Variants in ZNF385D observed in about 807,000 individuals in gnomAD.
ZNF385D encodes zinc finger protein 659.
In ZNF385D, 15 loss-of-function variants were observed where a neutral mutation model predicts 35.8. That is an observed-to-expected ratio of 0.42 (90% CI 0.28 to 0.64). The LOEUF is 0.64. Among genes scored for constraint, ZNF385D ranks in the 30% least tolerant of loss-of-function variants. The pLI, the probability that ZNF385D is intolerant of heterozygous loss-of-function variation, is 0.23. For missense variants in ZNF385D, 474 were observed against 494.6 expected, an observed-to-expected ratio of 0.96 and a Z score of 0.39; for synonymous variants, 212 against 186.8, an observed-to-expected ratio of 1.13 and a Z score of -1.10.
intron 4 of ZNF385D, among the ~76,000 whole-genome samples, chr3:21,455,428 A>G (rs991563090): frequency 6.6e-6 from 1 of 152,130 alleles, no homozygotes; most frequent in Admixed American, 6.6e-5. Context: ...CAGAAATAAT[A>G]CCACACATCT....
intron 3 of ZNF385D, among the ~76,000 whole-genome samples, chr3:22,042,826 C>G (rs1022858360): frequency 6.6e-6 from 1 of 152,150 alleles, no homozygotes; most frequent in Non-Finnish European, 1.5e-5. Flanking sequence ...TGCCTGATCT[C>G]GACGTGTTTG....
rs1697225618 is a variant in ZNF385D, at chr3:22,021,554, C to A, written c.325+147263G>T. On this transcript the variant is annotated intron_variant, in intron 3 of 5. Transcript: ENST00000494108. ...AGTAAGTTGCTTTAATTCGCTCAGC[C>A]TCAGTTTTCTTATATACTTTTGTGA... Among the ~76,000 whole-genome samples, 5 of 152,182 alleles carry A rather than the reference C, an allele frequency of 3.3e-5. No homozygotes were observed. In the South Asian group the frequency reaches 8.3e-4, roughly 25 times the overall value.
chr3:21,681,316 A>AAAAACAAAAAAAAAAAAAAAC (rs1553636419), intron 1 of ZNF385D, among the ~76,000 whole-genome samples: 1 of 141,676 alleles, frequency 7.1e-6, no homozygotes. Context: ...AAAAAAAAAA[A>AAAAACAAAAAAAAAAAAAAAC]AAAAAAAACC....
chr3:21,623,156 A>G (rs1340813265), intron 2 of ZNF385D, among the ~76,000 whole-genome samples: 1 of 152,060 alleles, frequency 6.6e-6, no homozygotes, highest in South Asian at 2.1e-4. Context: ...TAAAGAATAC[A>G]AAGCACCTGC....
At chr3:22,082,949 C>A (rs1045890257) in intron 3 of ZNF385D, among the ~76,000 whole-genome samples, 5 of 152,150 alleles carry the variant, frequency 3.3e-5, no homozygotes, top group African/African-American at 1.2e-4. Flanking sequence ...CTGGGGTGGA[C>A]CTCCAGCAAA....
chr3:22,003,903 A>C (rs1439742705), intron 3 of ZNF385D, among the ~76,000 whole-genome samples: 2 of 151,884 alleles, frequency 1.3e-5, no homozygotes, highest in African/African-American at 4.8e-5. Flanking sequence ...AAAATCCTAA[A>C]ATTCAAATAG....
chr3:22,135,061 A>G (rs992639522), intron 3 of ZNF385D, among the ~76,000 whole-genome samples: 2 of 152,212 alleles, frequency 1.3e-5, no homozygotes, highest in Admixed American at 6.5e-5. Flanking sequence ...TTAACCAGAA[A>G]GAAAACAGGA....
rs1014157119 is a variant in ZNF385D, at chr3:21,949,558, T to C, written c.325+219259A>G. On this transcript the variant is annotated intron_variant, in intron 3 of 5. Coordinates refer to the ZNF385D transcript ENST00000494108. ...CTTTCCTTCTTTTCTTTCTTTCTTT[T>C]TTTTTTTTTTTTAATACTTTTAAGT... 5.8e-5 allele frequency among the ~76,000 whole-genome samples: 6 copies of C among 103,746 alleles called. No homozygotes were observed. The East Asian group carries it at 1.4e-3, about 24-fold the overall frequency. 68.1% of individuals were successfully genotyped at this position (103,746 alleles called of 152,430 possible).
chr3:22,159,533 C>T lies in ZNF385D; in HGVS notation c.325+9284G>A, dbSNP rs545041278. ...AGGGACAGAGATTGCACAAAGAAAT[C>T]TCTGTGTTGCAAAAGACAGTGCCCT... On this transcript the variant is annotated intron_variant, in intron 3 of 5. Transcript: ENST00000494108. Among the ~76,000 whole-genome samples the T allele has an allele frequency of 1.3e-4, 20 of 152,124 alleles. No homozygotes were observed. In the South Asian group the frequency reaches 4.1e-3, roughly 31 times the overall value.
chr3:21,722,660 C>T (rs2068590855), intron 1 of ZNF385D, among the ~76,000 whole-genome samples: 1 of 152,212 alleles, frequency 6.6e-6, no homozygotes, highest in Non-Finnish European at 1.5e-5. Flanking sequence ...ACCTCACATT[C>T]TCTCTGAATT....
At chr3:22,328,949 C>G (rs1331763714) in intron 2 of ZNF385D, among the ~76,000 whole-genome samples, 1 of 151,696 alleles carries the variant, frequency 6.6e-6, no homozygotes, top group South Asian at 2.1e-4. Context: ...TGGTAGCGGG[C>G]GCCTGTAGTC....
At chr3:21,987,976 C>G (rs1174814725) in intron 3 of ZNF385D, among the ~76,000 whole-genome samples, 1 of 147,174 alleles carries the variant, frequency 6.8e-6, no homozygotes, top group Admixed American at 6.7e-5. Context: ...CCTGAAGCTT[C>G]TGCATTCTTC....
chr3:21,678,100 C>T (rs866669561), intron 1 of ZNF385D, among the ~76,000 whole-genome samples: 1 of 152,124 alleles, frequency 6.6e-6, no homozygotes, highest in Middle Eastern at 3.4e-3. Context: ...CCGACACAAA[C>T]CCTCAACATT....
In ZNF385D at chr3:21,831,649, T is replaced by C. The variant is rs146432743; in HGVS notation, c.326-166621A>G. Among the ~76,000 whole-genome samples, 92 of 152,294 alleles carry C rather than the reference T, an allele frequency of 6.0e-4. No homozygotes were observed. The East Asian group carries it at 0.015, about 24-fold the overall frequency. On this transcript the variant is annotated intron_variant, in intron 3 of 5. Coordinates refer to the ZNF385D transcript ENST00000494108. ...TCCATGAACTCAACTTGTAGAAGCATAGATAATTGGAACCCTCCCACTGTT... is the reference window on the plus strand; with the variant it reads ...TCCATGAACTCAACTTGTAGAAGCACAGATAATTGGAACCCTCCCACTGTT...
At chr3:21,460,387 T>C (rs1303644874) in intron 4 of ZNF385D, among the ~76,000 whole-genome samples, 1 of 152,184 alleles carries the variant, frequency 6.6e-6, no homozygotes, top group Non-Finnish European at 1.5e-5. Flanking sequence ...TAAAGACCCA[T>C]AAAACAGTGG....
intron 3 of ZNF385D, among the ~76,000 whole-genome samples, chr3:22,090,114 A>G (rs1701254311): frequency 6.6e-6 from 1 of 152,186 alleles, no homozygotes; most frequent in African/African-American, 2.4e-5. Context: ...CTGATATTGC[A>G]GGCGTGAGCC....
chr3:21,871,727 C>T (rs891366574), intron 3 of ZNF385D, among the ~76,000 whole-genome samples: 19 of 152,160 alleles, frequency 1.2e-4, no homozygotes, highest in Admixed American at 1.0e-3. Context: ...TACTCCAGGC[C>T]GGGCGCAGTG....
intron 1 of ZNF385D, among the ~76,000 whole-genome samples, chr3:21,699,574 G>T (rs1422399279): frequency 1.3e-5 from 2 of 152,044 alleles, no homozygotes; most frequent in Non-Finnish European, 2.9e-5. Context: ...CATGTAAACA[G>T]AGTGTATTTA....
chr3:21,882,453 G>A (rs1455744624), intron 3 of ZNF385D, among the ~76,000 whole-genome samples: 1 of 151,888 alleles, frequency 6.6e-6, no homozygotes, highest in East Asian at 1.9e-4. Context: ...TGATGCTATT[G>A]CAAACTTAAT....
Sources: allele counts gnomAD v4.1 joint callset (sites outside exome capture counted in the v4.1 genomes callset), GRCh38; gene constraint gnomAD v4.1.1; transcripts MANE v1.5; gene names NCBI Gene and HGNC (gene_info 2026-07-23, HGNC 2026-07-21).